RALGPS1: variants seen among roughly 807,000 people sequenced by gnomAD.
RALGPS1 encodes Ral GEF with PH domain and SH3 binding motif 1.
In RALGPS1, 19 loss-of-function variants were observed where a neutral mutation model predicts 78.8. The ratio of observed to expected loss-of-function variants is 0.24; its 90% confidence interval spans 0.17 to 0.35. The LOEUF (loss-of-function observed/expected upper bound fraction) is 0.35, where lower values mean the gene tolerates loss of function less well. Among genes scored for constraint, RALGPS1 ranks in the 10% least tolerant of loss-of-function variants. The pLI is 1.00. For synonymous variants in RALGPS1, 228 were observed against 256.3 expected, an observed-to-expected ratio of 0.89 and a Z score of 1.06; for missense variants, 454 against 688.3, an observed-to-expected ratio of 0.66 and a Z score of 3.81.
At chr9:127,027,457 G>T (rs2046052931) in intron 4 of RALGPS1, among the ~76,000 whole-genome samples, 2 of 152,086 alleles carry the variant, frequency 1.3e-5, no homozygotes, top group South Asian at 2.1e-4. Context: ...TTCATTCATG[G>T]TCTCATTAAG....
intron 6 of RALGPS1, among the ~76,000 whole-genome samples, chr9:127,052,407 GC>G (rs1382397303): frequency 6.6e-6 from 1 of 152,226 alleles, no homozygotes; most frequent in East Asian, 1.9e-4. Flanking sequence ...GGAAGCCCGA[GC>G]ATTGCCTTCC....
At chr9:126,938,154 C>CTGTTTATAGTGG (rs1220655018) in intron 1 of RALGPS1, among the ~76,000 whole-genome samples, 1 of 152,196 alleles carries the variant, frequency 6.6e-6, no homozygotes, top group Non-Finnish European at 1.5e-5. Context: ...TTCTGCATCA[C>CTGTTTATAGTGG]TGTTTATAGT....
chr9:127,018,284 GC>G (rs1402744604), intron 4 of RALGPS1, among the ~76,000 whole-genome samples: 9 of 148,726 alleles, frequency 6.1e-5, no homozygotes, highest in Middle Eastern at 3.4e-3. Flanking sequence ...GGAAGGACCT[GC>G]CTGAGGCTAT....
chr9:127,144,587 A>G (rs1045258860), intron 8 of RALGPS1, among the ~76,000 whole-genome samples: 2 of 152,246 alleles, frequency 1.3e-5, no homozygotes, highest in Non-Finnish European at 2.9e-5. Context: ...TAGCCAAAGC[A>G]TGGAAACAAC....
At chr9:126,915,756 T>C (rs535076454) in intron 1 of RALGPS1, among the ~76,000 whole-genome samples, 3 of 138,754 alleles carry the variant, frequency 2.2e-5, no homozygotes, top group African/African-American at 8.1e-5. Flanking sequence ...CCTGTTGCTA[T>C]TGAAGGGGCT....
intron 3 of RALGPS1, among the ~76,000 whole-genome samples, chr9:126,966,320 A>G (rs1482782717): frequency 1.3e-5 from 2 of 152,062 alleles, no homozygotes; most frequent in Non-Finnish European, 2.9e-5. Context: ...GGAGTTCGAG[A>G]TCAGCCTGGG....
chr9:127,192,179 G>A (rs924154468), intron 11 of RALGPS1, among the ~76,000 whole-genome samples: 5 of 152,206 alleles, frequency 3.3e-5, no homozygotes, highest in Admixed American at 6.5e-5. Flanking sequence ...ATAAAATGTG[G>A]GGGCCCAGAC....
intron 8 of RALGPS1, among the ~76,000 whole-genome samples, chr9:127,119,341 A>G (rs538162044): frequency 1.3e-5 from 2 of 152,306 alleles, no homozygotes; most frequent in East Asian, 1.9e-4. Context: ...GCAGCATTCG[A>G]TAGGACAGCA....
At chr9:126,926,444 T>C (rs1381558117) in intron 1 of RALGPS1, among the ~76,000 whole-genome samples, 1 of 152,198 alleles carries the variant, frequency 6.6e-6, no homozygotes. Context: ...AGGAAACAGA[T>C]TGTACAAAGG....
At chr9:127,019,777 C>T (rs914132423) in intron 4 of RALGPS1, among the ~76,000 whole-genome samples, 5 of 151,966 alleles carry the variant, frequency 3.3e-5, no homozygotes, top group African/African-American at 7.3e-5. Flanking sequence ...ATGTGCAGGG[C>T]GTGCAGGTTT....
chr9:127,086,773 A>G (rs1451462124), intron 8 of RALGPS1, among the ~76,000 whole-genome samples: 7 of 152,134 alleles, frequency 4.6e-5, no homozygotes, highest in Admixed American at 3.3e-4. Flanking sequence ...TCATGCCTAG[A>G]ATCACTTCCC....
At chr9:127,029,075 A>G (rs1031006116) in intron 4 of RALGPS1, among the ~76,000 whole-genome samples, 10 of 152,116 alleles carry the variant, frequency 6.6e-5, no homozygotes, top group Admixed American at 2.6e-4. Flanking sequence ...CACCTTTGCT[A>G]CTGCCACAGC....
chr9:127,039,712 G>A lies in RALGPS1; in HGVS notation c.300+5198G>A, dbSNP rs114807690. Among the ~76,000 whole-genome samples, 698 of 152,224 alleles carry A rather than the reference G, an allele frequency of 4.6e-3. 7 individuals carry two copies. Among genetic ancestry groups the A allele is most frequent in the African/African-American group, 0.016 (667 of 41,538 alleles). On this transcript the variant is annotated intron_variant, in intron 5 of 18. Transcript: ENST00000259351. ...AGATGAGTCAGCAGAAAGGAAAGGGGCAGATGTAGACCCATTTGTAGGTGC... is the reference window on the plus strand; with the variant it reads ...AGATGAGTCAGCAGAAAGGAAAGGGACAGATGTAGACCCATTTGTAGGTGC...
chr9:127,019,600 T>C (rs951173663), intron 4 of RALGPS1, among the ~76,000 whole-genome samples: 8 of 152,192 alleles, frequency 5.3e-5, no homozygotes, highest in Non-Finnish European at 1.0e-4. Context: ...ATGCTGGGAT[T>C]ACAGGTGTGA....
intron 10 of RALGPS1, among the ~76,000 whole-genome samples, chr9:127,169,127 G>A (rs1387283405): frequency 6.6e-6 from 1 of 152,190 alleles, no homozygotes; most frequent in African/African-American, 2.4e-5. Flanking sequence ...AATGGCACAG[G>A]CGTGGTGCTC....
chr9:126,946,879 G>A (rs1284421263), intron 1 of RALGPS1, among the ~76,000 whole-genome samples: 2 of 152,164 alleles, frequency 1.3e-5, no homozygotes, highest in African/African-American at 4.8e-5. Flanking sequence ...GTCAGCTGGT[G>A]GCTGCAGGGG....
chr9:127,100,723 G>T (rs116021665), intron 8 of RALGPS1, among the ~76,000 whole-genome samples: 1 of 152,300 alleles, frequency 6.6e-6, no homozygotes, highest in African/African-American at 2.4e-5. Flanking sequence ...CATCATGGAA[G>T]AACTTATCAG....
intron 3 of RALGPS1, among the ~76,000 whole-genome samples, chr9:126,972,890 T>C (rs1434414760): frequency 6.6e-6 from 1 of 152,084 alleles, no homozygotes; most frequent in East Asian, 1.9e-4. Context: ...GGTGAAACCC[T>C]GTCTCTACTA....
At chr9:127,079,171 A>G (rs977397867) in intron 8 of RALGPS1, among the ~76,000 whole-genome samples, 3 of 152,208 alleles carry the variant, frequency 2.0e-5, no homozygotes, top group Non-Finnish European at 4.4e-5. Context: ...TGGAACAAGG[A>G]GACTTCCTGG....
Sources: allele counts gnomAD v4.1 joint callset (sites outside exome capture counted in the v4.1 genomes callset), GRCh38; gene constraint gnomAD v4.1.1; transcripts MANE v1.5; gene names NCBI Gene and HGNC (gene_info 2026-07-23, HGNC 2026-07-21).